CAPN14: variants seen among roughly 807,000 people sequenced by gnomAD.
The protein encoded by CAPN14 is calpain 14, also known as calpain-14.
CAPN14 carries 94 observed loss-of-function variants against 101.3 expected under a neutral mutation model. The ratio of observed to expected loss-of-function variants is 0.93; its 90% CI spans 0.79 to 1.10. The LOEUF is 1.10. Among genes scored for constraint, CAPN14 ranks in the 50% least tolerant of loss-of-function variants. The probability of loss-of-function intolerance (pLI) is 0.00; values close to 1 mark genes in which losing one functional copy is unlikely to be tolerated. For missense variants in CAPN14, 837 were observed against 828.4 expected, an observed-to-expected ratio of 1.01 and a Z score of -0.13; for synonymous variants, 338 against 317.9, an observed-to-expected ratio of 1.06 and a Z score of -0.67.
At chr2:31,194,593 C>T in intron 8 of CAPN14, 110 bp from the exon 9 acceptor site, 1 of 726,746 alleles carries the variant, frequency 1.4e-6, no homozygotes, top group Non-Finnish European at 2.3e-6. Flanking sequence ...CCTCAGACAA[C>T]TAAATTTCCC....
At chr2:31,201,196 CATGTGTGTGTGTGCAT>C (rs1249592011) in intron 5 of CAPN14, among the ~76,000 whole-genome samples, 7 of 130,060 alleles carry the variant, frequency 5.4e-5, no homozygotes, top group African/African-American at 1.6e-4. Context: ...TGTGTGTGTG[CATGTGTGTGTGTGCAT>C]GTGTGTGTCT....
chr2:31,226,335 T>C (rs1416161515), intron 2 of CAPN14, among the ~76,000 whole-genome samples: 1 of 152,214 alleles, frequency 6.6e-6, no homozygotes, highest in East Asian at 1.9e-4. Flanking sequence ...TTATAACATA[T>C]AAGGTTATAA....
chr2:31,227,697 T>C (rs1683065643), intron 1 of CAPN14, among the ~76,000 whole-genome samples: 1 of 152,222 alleles, frequency 6.6e-6, no homozygotes, highest in South Asian at 2.1e-4. Flanking sequence ...AAAGAGGTTT[T>C]AACTCGGCCT....
Position 31,202,011 on chromosome 2 carries a change from A to C in CAPN14, c.415-13T>G. On this transcript the variant is annotated splice_polypyrimidine_tract_variant and intron_variant, in intron 4 of 21. Coordinates refer to ENST00000403897, the MANE Select transcript of CAPN14 (RefSeq NM_001145122.2). ...CATAGTGCCAGAACTGGAGGGAGAG[A>C]GTGGCCCCGGGTGAATGAGGACTGC... 6.4e-7 allele frequency: 1 copy of C among 1,551,400 alleles called. No individual in the cohort carries two copies. Among genetic ancestry groups the C allele is most frequent in the Non-Finnish European group, 8.7e-7 (1 of 1,146,750 alleles).
intron 1 of CAPN14, among the ~76,000 whole-genome samples, chr2:31,215,819 AG>A (rs1682614266): frequency 6.7e-6 from 1 of 150,170 alleles, no homozygotes; most frequent in Admixed American, 6.7e-5. Context: ...TTTTGGAAAA[AG>A]TAAGTCAATT....
intron 2 of CAPN14, among the ~76,000 whole-genome samples, chr2:31,223,151 A>C (rs947472797): frequency 6.6e-5 from 10 of 152,254 alleles, no homozygotes; most frequent in African/African-American, 2.4e-4. Flanking sequence ...TTGTCCTAGC[A>C]GCCTAAACTG....
rs1267028051 is a variant in CAPN14, at chr2:31,230,906, A to G, written c.-177+2885T>C. ...AAGAACTCTTCCTGACTTTGTGGTG[A>G]TATATATGCAATCTCTATTGCAACT... On this transcript the variant is annotated intron_variant and NMD_transcript_variant, in intron 1 of 21. Transcript: ENST00000398824. This position sits in a 1 kb window ranked among gnomAD's most constrained non-coding sequence, Gnocchi z 4.3. Among the ~76,000 whole-genome samples the G allele has an allele frequency of 6.6e-6, 1 of 152,036 alleles. No homozygotes were observed. Among genetic ancestry groups the G allele is most frequent in the Non-Finnish European group, 1.5e-5 (1 of 68,010 alleles).
At chr2:31,224,764 T>C (rs183851538) in intron 2 of CAPN14, among the ~76,000 whole-genome samples, 14 of 151,986 alleles carry the variant, frequency 9.2e-5, no homozygotes, top group Middle Eastern at 6.8e-3. Flanking sequence ...ATAATAGAAA[T>C]ATTTCATTTG....
At chr2:31,178,025 G>A (rs929519901) in intron 18 of CAPN14, among the ~76,000 whole-genome samples, 4 of 152,144 alleles carry the variant, frequency 2.6e-5, no homozygotes, top group Non-Finnish European at 5.9e-5. Context: ...CAAGGCTTCT[G>A]AGAAACAAAA....
At chr2:31,180,453 G>C (rs1160606345) in intron 17 of CAPN14, among the ~76,000 whole-genome samples, 1 of 152,180 alleles carries the variant, frequency 6.6e-6, no homozygotes, top group Non-Finnish European at 1.5e-5. Flanking sequence ...GGCTGAGAAA[G>C]GACAGCTGAG....
At chr2:31,191,609 A>G (rs775529107) in intron 11 of CAPN14, among the ~76,000 whole-genome samples, 3 of 152,186 alleles carry the variant, frequency 2.0e-5, no homozygotes, top group Non-Finnish European at 2.9e-5. Flanking sequence ...TCTGGAAAAG[A>G]GGGAGGGAAA....
chr2:31,227,200 T>C (rs1683048763), intron 1 of CAPN14, among the ~76,000 whole-genome samples: 1 of 152,214 alleles, frequency 6.6e-6, no homozygotes, highest in African/African-American at 2.4e-5. Flanking sequence ...CCTCTCGTGG[T>C]GTGGGCTTTC....
At chr2:31,217,362 A>G (rs2148703781) in intron 1 of CAPN14, 94 bp downstream of exon 1, 1 of 152,276 alleles carries the variant, frequency 6.6e-6, no homozygotes, top group African/African-American at 2.4e-5. Context: ...GGAGAAGCAA[A>G]TACCATCCTC....
intron 1 of CAPN14, among the ~76,000 whole-genome samples, chr2:31,233,145 C>T (rs1177022435): frequency 1.3e-5 from 2 of 152,162 alleles, no homozygotes; most frequent in African/African-American, 4.8e-5. Context: ...GAACTTAGCC[C>T]AGGCCCCTGC....
intron 7 of CAPN14, 56 bp downstream of exon 7, chr2:31,199,414 T>G (rs896068795): frequency 5.9e-5 from 82 of 1,398,184 alleles, no homozygotes; most frequent in Non-Finnish European, 7.6e-5. Context: ...TAAGCTAGGG[T>G]CCAGAGAGGG....
At chr2:31,217,266 T>C (rs757576332) in intron 1 of CAPN14, among the ~76,000 whole-genome samples, 190 bp downstream of exon 1, 4 of 152,134 alleles carry the variant, frequency 2.6e-5, no homozygotes, top group African/African-American at 9.7e-5. Flanking sequence ...GTCACACTAA[T>C]AAGTGATGGC....
intron 17 of CAPN14, 80 bp downstream of exon 17, chr2:31,180,856 G>A: frequency 1.6e-6 from 2 of 1,228,064 alleles, no homozygotes; most frequent in Non-Finnish European, 2.3e-6. Flanking sequence ...TTGGGGTTGG[G>A]ATTCAAATAT....
rs1271311430 is a variant in CAPN14, at chr2:31,174,507, C to T, written c.*174G>A. The T allele has an allele frequency of 1.6e-6, 1 of 639,310 alleles. No homozygotes were observed. Among genetic ancestry groups the T allele is most frequent in the East Asian group, 2.8e-5 (1 of 36,318 alleles). 39.6% of individuals were successfully genotyped at this position (639,310 alleles called of 1,614,324 possible). Reference sequence around the variant, plus strand: ...ACTTCCTCCCTTCCCTTTCTGCATGCTGGCCATGCACGGGGAGGGCTGCAG... The same window carrying T: ...ACTTCCTCCCTTCCCTTTCTGCATGTTGGCCATGCACGGGGAGGGCTGCAG... On this transcript the variant is annotated 3_prime_UTR_variant, in exon 22 of 22. Transcript: ENST00000403897.
intron 5 of CAPN14, 33 bp from the exon 6 acceptor site, chr2:31,200,658 A>C (rs963093807): frequency 2.0e-6 from 3 of 1,508,744 alleles, no homozygotes; most frequent in Non-Finnish European, 2.7e-6. Context: ...TGAGAGGAAA[A>C]AAGTATCATG....
Sources: allele counts gnomAD v4.1 joint callset (sites outside exome capture counted in the v4.1 genomes callset), GRCh38; gene constraint gnomAD v4.1.1; non-coding constraint Gnocchi (gnomAD v3.1); transcripts MANE v1.5; gene names NCBI Gene and HGNC (gene_info 2026-07-23, HGNC 2026-07-21).